ATF7: variants seen among roughly 807,000 people sequenced by gnomAD.
ATF7 encodes the protein activating transcription factor 7.
ATF7 carries 10 observed loss-of-function variants against 50.4 expected under a neutral mutation model. The ratio of observed to expected loss-of-function variants is 0.20; its 90% CI spans 0.12 to 0.34. ATF7 has a LOEUF of 0.34. Ranked by LOEUF, ATF7 falls within the 10% of genes least tolerant of loss-of-function variation. The pLI is 1.00. For missense variants in ATF7, 465 were observed against 613.9 expected (o/e 0.76, Z 2.56); for synonymous variants, 201 against 226.4 (o/e 0.89, Z 1.01).
intron 3 of ATF7, 27 bp from the exon 4 acceptor site, chr12:53,543,475 GT>G: frequency 6.5e-7 from 1 of 1,532,212 alleles, no homozygotes. Context: ...AAAGGAAACT[GT>G]TTTAGTTTTG....
chr12:53,564,481 T>A (rs1173104915), intron 2 of ATF7, among the ~76,000 whole-genome samples: 1 of 152,230 alleles, frequency 6.6e-6, no homozygotes, highest in African/African-American at 2.4e-5. Context: ...CTAGTGGTAA[T>A]TTTAACCACA....
At chr12:53,565,229 C>A (rs1303690630) in intron 2 of ATF7, among the ~76,000 whole-genome samples, 1 of 151,882 alleles carries the variant, frequency 6.6e-6, no homozygotes, top group African/African-American at 2.4e-5. Context: ...AGGCCAACTC[C>A]ATCAGGGATT....
At chr12:53,523,889 C>T (rs1412291038) in intron 10 of ATF7, among the ~76,000 whole-genome samples, 6 of 152,118 alleles carry the variant, frequency 3.9e-5, no homozygotes, top group East Asian at 1.9e-4. Context: ...TGTTAACCTG[C>T]TTATGTTAAA....
At chr12:53,610,992 C>CT (rs2137883148) in intron 1 of ATF7, among the ~76,000 whole-genome samples, 1 of 151,488 alleles carries the variant, frequency 6.6e-6, no homozygotes, top group South Asian at 2.1e-4. Context: ...ATGCCCAGCT[C>CT]ATTTTTTTTT....
chr12:53,580,742 T>TAGAA (rs1264967831), intron 2 of ATF7, among the ~76,000 whole-genome samples: 1 of 151,652 alleles, frequency 6.6e-6, no homozygotes, highest in African/African-American at 2.4e-5. Context: ...ATATTAATTT[T>TAGAA]AGAAAGAAAG....
At chr12:53,550,033 GAGAA>G (rs1940228277) in intron 3 of ATF7, among the ~76,000 whole-genome samples, 1 of 152,030 alleles carries the variant, frequency 6.6e-6, no homozygotes, top group African/African-American at 2.4e-5. Flanking sequence ...TAGCTTTAAA[GAGAA>G]AAGGGCCCAG....
At chr12:53,618,798 T>TC (rs2137928018) in intron 1 of ATF7, among the ~76,000 whole-genome samples, 1 of 152,270 alleles carries the variant, frequency 6.6e-6, no homozygotes, top group East Asian at 1.9e-4. Flanking sequence ...TTGCCTGTAA[T>TC]CCCAGCACTT....
chr12:53,537,605 G>T, intron 4 of ATF7, 53 bp from the exon 5 acceptor site: 1 of 1,587,588 alleles, frequency 6.3e-7, no homozygotes, highest in Non-Finnish European at 8.6e-7. Context: ...CTTTCAGGTT[G>T]AATCTATATT....
Position 53,517,130 on chromosome 12 carries a change from G to A in ATF7, c.*7C>T, listed in dbSNP as rs1344971322. ...TCTGGCTGAGGACCTCTCCACCAGA[G>A]GAGGCATCATCTGCCCGCAGACTGG... On this transcript the variant is annotated 3_prime_UTR_variant, in exon 12 of 12. Transcript: ENST00000420353. 1 of 1,609,030 alleles carries A rather than the reference G, an allele frequency of 6.2e-7. No individual in the cohort carries two copies. The highest frequency in any genetic ancestry group is 8.5e-7 in the Non-Finnish European group (1 of 1,179,788).
At chr12:53,608,508 T>G (rs956195360) in intron 1 of ATF7, among the ~76,000 whole-genome samples, 5 of 152,136 alleles carry the variant, frequency 3.3e-5, no homozygotes, top group Admixed American at 6.6e-5. Flanking sequence ...CAGGACCCAT[T>G]TTGAATGCTT....
intron 1 of ATF7, among the ~76,000 whole-genome samples, chr12:53,622,934 T>G (rs528091107): frequency 6.6e-6 from 1 of 152,252 alleles, no homozygotes; most frequent in South Asian, 2.1e-4. Flanking sequence ...GAAGATAACT[T>G]TAGCCTAGGA....
intron 6 of ATF7, 34 bp downstream of exon 6, chr12:53,534,467 AG>A: frequency 6.2e-7 from 1 of 1,612,562 alleles, no homozygotes; most frequent in East Asian, 2.2e-5. Context: ...AAAGAAATGC[AG>A]CCTTCACTAC....
intron 1 of ATF7, among the ~76,000 whole-genome samples, chr12:53,618,366 A>C (rs1191632967): frequency 1.3e-5 from 2 of 152,260 alleles, no homozygotes; most frequent in African/African-American, 4.8e-5. Flanking sequence ...AAGGTATCAA[A>C]AGAAAATGCA....
chr12:53,568,383 G>C (rs1042202655), intron 2 of ATF7, among the ~76,000 whole-genome samples: 7 of 151,756 alleles, frequency 4.6e-5, no homozygotes, highest in African/African-American at 1.7e-4. Context: ...AAGTTTACAA[G>C]GAGATTACGC....
chr12:53,600,528 T>C (rs1274094313), intron 2 of ATF7, among the ~76,000 whole-genome samples: 3 of 152,070 alleles, frequency 2.0e-5, no homozygotes, highest in Non-Finnish European at 2.9e-5. Context: ...TTAGTAGAGA[T>C]GGGGTTTTGG....
intron 2 of ATF7, among the ~76,000 whole-genome samples, chr12:53,589,107 T>C (rs985254076): frequency 2.6e-5 from 4 of 152,160 alleles, no homozygotes; most frequent in African/African-American, 9.7e-5. Context: ...CTAGGCTAGA[T>C]GTGGATACTG....
At chr12:53,583,640 C>T (rs143477438) in intron 2 of ATF7, among the ~76,000 whole-genome samples, 17 of 152,112 alleles carry the variant, frequency 1.1e-4, no homozygotes, top group Admixed American at 7.2e-4. Flanking sequence ...TTTTGTATGG[C>T]GATGACTTTT....
chr12:53,524,895 A>C lies in ATF7; in HGVS notation c.928-134T>G, dbSNP rs1467575487. Reference sequence around the variant, plus strand: ...TCTGGTAACCACAGCAAGTCTCATTACTATGTCCCCAAGCTTCCCTTTTGT... The same window carrying C: ...TCTGGTAACCACAGCAAGTCTCATTCCTATGTCCCCAAGCTTCCCTTTTGT... On this transcript the variant is annotated intron_variant, in intron 9 of 11. Coordinates refer to ENST00000420353, the MANE Select transcript of ATF7 (RefSeq NM_006856.3). The surrounding 1 kb of genome is among the most constrained non-coding windows in gnomAD (Gnocchi z 4.6). The C allele has an allele frequency of 1.3e-5, 11 of 837,914 alleles. No individual in the cohort carries two copies. In the East Asian group the frequency reaches 3.1e-4, roughly 24 times the overall value. The allele number at this position is 837,914 out of a possible 1,614,324, so 51.9% of individuals were successfully genotyped here.
chr12:53,572,339 C>T (rs922184546), intron 2 of ATF7, among the ~76,000 whole-genome samples: 16 of 152,092 alleles, frequency 1.1e-4, no homozygotes, highest in Admixed American at 8.5e-4. Flanking sequence ...GAGCAGAAAC[C>T]CATGAGCTGA....
Sources: allele counts gnomAD v4.1 joint callset (sites outside exome capture counted in the v4.1 genomes callset), GRCh38; gene constraint gnomAD v4.1.1; non-coding constraint Gnocchi (gnomAD v3.1); transcripts MANE v1.5; gene names NCBI Gene and HGNC (gene_info 2026-07-23, HGNC 2026-07-21).